The following OR4D10 variants were observed in gnomAD, a reference collection of about 807,000 sequenced individuals.
OR4D10 encodes olfactory receptor 4D10.
For synonymous variants in OR4D10, 188 were observed against 153.2 expected, an observed-to-expected ratio of 1.23 and a Z score of -1.68; for missense variants, 395 against 378.0, an observed-to-expected ratio of 1.04 and a Z score of -0.37.
chr11:59,473,690 A>G (rs1858868755), intron 1 of OR4D10, 49 bp downstream of exon 1: 3 of 152,180 alleles, frequency 2.0e-5, no homozygotes, highest in African/African-American at 7.2e-5. Context: ...AGTGAAACAG[A>G]TGTTTTTATT....
In OR4D10 at chr11:59,477,844, G is replaced by A. The variant is rs770960779; in HGVS notation, c.415G>A (p.Asp139Asn). The change falls in exon 3 of 3, where the codon GAC becomes AAC. Residue 139 changes from aspartate to asparagine, a missense_variant. By Grantham distance (23) the Asp-to-Asn change is conservative. Coordinates refer to ENST00000530162, the MANE Select transcript of OR4D10 (RefSeq NM_001004705.2). Reference protein sequence around the residue: ...PLHYATIMSRDHCIGLTVAAW... With the variant: ...PLHYATIMSRNHCIGLTVAAW... The stretch of plus-strand genomic sequence containing the variant: ...GCACTATGCGACTATCATGAGTAGA[G>A]ACCATTGCATTGGGCTCACAGTGGC... 2 of 1,614,088 alleles carry A rather than the reference G, an allele frequency of 1.2e-6. No homozygotes were observed. Among genetic ancestry groups the A allele is most frequent in the Admixed American group, 3.3e-5 (2 of 60,014 alleles).
At position 59,474,444 on chromosome 11, in the gene OR4D10, C is replaced by T. The variant is rs181268572; in HGVS notation, c.-169+651C>T. ...TTTGAAGATTGCGATATATGTCCAC[C>T]GGCTATGTATAAGGTGGCGTGAATA... On this transcript the variant is annotated intron_variant, in intron 2 of 2. Transcript: ENST00000530162. Among the ~76,000 whole-genome samples the T allele has an allele frequency of 1.1e-3, 160 of 152,244 alleles. 2 individuals are homozygous for T. Among genetic ancestry groups the T allele is most frequent in the African/African-American group, 2.7e-3 (113 of 41,536 alleles).
At position 59,477,958 on chromosome 11, in the gene OR4D10, T is replaced by C. The variant is rs754210448; in HGVS notation, c.529T>C (p.Phe177Leu). 1.9e-6 allele frequency: 3 copies of C among 1,614,162 alleles called. No homozygotes were observed. The South Asian group carries it at 3.3e-5, about 18-fold the overall frequency. The change falls in exon 3 of 3, where the codon TTC becomes CTC. Residue 177 changes from phenylalanine to leucine, a missense_variant. Transcript: ENST00000530162. Reference sequence around the variant, plus strand: ...CTGCGGACCCAATGTTCTTGACACTTTCTACTGTGATGTCCACCGGGTCCT... The same window carrying C: ...CTGCGGACCCAATGTTCTTGACACTCTCTACTGTGATGTCCACCGGGTCCT... ...PFCGPNVLDT[F>L]YCDVHRVLKL...
At position 59,478,109 on chromosome 11, in the gene OR4D10, C is replaced by T. The variant is rs1397041059; in HGVS notation, c.680C>T (p.Ser227Phe). 1 of 1,614,056 alleles carries T rather than the reference C, an allele frequency of 6.2e-7. No individual in the cohort carries two copies. Among genetic ancestry groups the T allele is most frequent in the East Asian group, 2.2e-5 (1 of 44,886 alleles). ...SYIVILSLPKSQAGEGRRKAI... is the reference protein window; with the variant it reads ...SYIVILSLPKFQAGEGRRKAI... ...ATAGTCATATTATCATTACCCAAGT[C>T]TCAGGCAGGAGAGGGCAGGAGGAAA... Residue 227 changes from serine to phenylalanine, a missense_variant, in exon 3 of 3, where the codon TCT becomes TTT. By Grantham distance (155) the Ser-to-Phe change is radical. Transcript: ENST00000530162.
At position 59,478,301 on chromosome 11, in the gene OR4D10, AC is replaced by A. The variant is rs774238949; in HGVS notation, c.874del (p.His292MetfsTer3). On this transcript the variant is annotated frameshift_variant, in exon 3 of 3. Coordinates refer to ENST00000530162, the MANE Select transcript of OR4D10 (RefSeq NM_001004705.2). LOFTEE classifies it low-confidence loss of function (END_TRUNC). Reference sequence around the variant, plus strand: ...AACCCCTTGATCTACACTCTGAGGAACCATGAGATGAAGTCAGCCATGAGGA... The same window carrying A: ...AACCCCTTGATCTACACTCTGAGGAACATGAGATGAAGTCAGCCATGAGGA... ...LLNPLIYTLR[N>X]HEMKSAMRRL... is the part of the protein sequence containing the mutation. The A allele has an allele frequency of 1.4e-5, 23 of 1,613,986 alleles. No homozygotes were observed. The highest frequency in any genetic ancestry group is 1.8e-5 in the Non-Finnish European group (21 of 1,179,922).
intron 2 of OR4D10, among the ~76,000 whole-genome samples, chr11:59,475,310 G>A (rs184575599): frequency 7.3e-4 from 111 of 151,976 alleles, no homozygotes; most frequent in African/African-American, 2.6e-3. Flanking sequence ...TACTAACCAC[G>A]CTGCATTTTC....
Position 59,476,716 on chromosome 11 carries a change from A to G in OR4D10, c.-168-546A>G, listed in dbSNP as rs186186135. 2.6e-5 allele frequency among the ~76,000 whole-genome samples: 4 copies of G among 152,206 alleles called. No homozygotes were observed. In the East Asian group the frequency reaches 7.7e-4, roughly 29 times the overall value. On this transcript the variant is annotated intron_variant, in intron 2 of 2. Transcript: ENST00000530162. ...ACACAGGGCAGAGTGGAGGAGTCAG[A>G]GCCCCAGTCATTCAGCTAGTTGATG...
chr11:59,476,116 G>A (rs1381526599), intron 2 of OR4D10, among the ~76,000 whole-genome samples: 1 of 152,172 alleles, frequency 6.6e-6, no homozygotes, highest in Non-Finnish European at 1.5e-5. Context: ...TATCTGTGGG[G>A]AGAAATTTTT....
chr11:59,473,782 G>A lies in OR4D10; in HGVS notation c.-180G>A, dbSNP rs1239418685. 1 of 152,172 alleles carries A rather than the reference G, an allele frequency of 6.6e-6. No individual in the cohort carries two copies. Among genetic ancestry groups the A allele is most frequent in the African/African-American group, 2.4e-5 (1 of 41,450 alleles). The allele number at this position is 152,172 out of a possible 1,614,324, so 9.4% of individuals were successfully genotyped here. On this transcript the variant is annotated 5_prime_UTR_variant, in exon 2 of 3. Coordinates refer to ENST00000530162, the MANE Select transcript of OR4D10 (RefSeq NM_001004705.2). The stretch of plus-strand genomic sequence containing the variant: ...AGTTAAAATAATCATCTCAATGACA[G>A]AAACAACAAAGGTGGGTGTTAAACA...
At chr11:59,474,628 G>T (rs1282049383) in intron 2 of OR4D10, among the ~76,000 whole-genome samples, 1 of 152,032 alleles carries the variant, frequency 6.6e-6, no homozygotes, top group African/African-American at 2.4e-5. Context: ...TACAGTATCC[G>T]CTGCCTCCCA....
chr11:59,478,444 C>T lies in OR4D10; in HGVS notation c.*79C>T. On this transcript the variant is annotated 3_prime_UTR_variant, in exon 3 of 3. Transcript: ENST00000530162. ...TCCCATGAAGTCATATTCATATATT[C>T]AAATATATTGTCAAACCAACTACAC... 2 of 1,034,074 alleles carry T rather than the reference C, an allele frequency of 1.9e-6. No individual in the cohort carries two copies. 64.1% of individuals were successfully genotyped at this position (1,034,074 alleles called of 1,614,324 possible).
intron 2 of OR4D10, among the ~76,000 whole-genome samples, chr11:59,474,426 A>G (rs1403562412): frequency 2.0e-5 from 3 of 152,208 alleles, no homozygotes; most frequent in Admixed American, 1.3e-4. Flanking sequence ...ACATTTGAAG[A>G]TTGCGATATA....
In OR4D10 at chr11:59,479,346, G is replaced by A. The variant is rs893339116; in HGVS notation, c.*981G>A. 1.3e-5 allele frequency: 2 copies of A among 152,066 alleles called. No individual in the cohort carries two copies. The highest frequency in any genetic ancestry group is 4.8e-5 in the African/African-American group (2 of 41,388). 9.4% of individuals were successfully genotyped at this position (152,066 alleles called of 1,614,324 possible). A position where few individuals can be genotyped will look rare whatever the true frequency, so the allele number is the denominator to read the frequency against. On this transcript the variant is annotated 3_prime_UTR_variant, in exon 3 of 3. Transcript: ENST00000530162. ...TCTACAAATGACAAAAACACATTAA[G>A]CTACTTTAAGCTATGCATATACATA...
In OR4D10 at chr11:59,475,060, CA is replaced by C. The variant is rs771979917; in HGVS notation, c.-169+1283del. Among the ~76,000 whole-genome samples the C allele has an allele frequency of 6.9e-4, 46 of 66,788 alleles. 1 individual carries two copies. In the South Asian group the frequency reaches 0.013, roughly 18 times the overall value. The allele number at this position is 66,788 out of a possible 152,430, so 43.8% of individuals were successfully genotyped here. Reference sequence around the variant, plus strand: ...TGGGTGACAGAGTGAGACTCTGTCTCAAAAAAAAAAAAAAAAGGAAAAAGAA... The same window carrying C: ...TGGGTGACAGAGTGAGACTCTGTCTCAAAAAAAAAAAAAAAGGAAAAAGAA... On this transcript the variant is annotated intron_variant, in intron 2 of 2. Transcript: ENST00000530162.
rs933762266 is a variant in OR4D10, at chr11:59,478,461, C to A, written c.*96C>A. 2.5e-6 allele frequency: 2 copies of A among 803,226 alleles called. No homozygotes were observed. Among genetic ancestry groups the A allele is most frequent in the Non-Finnish European group, 3.7e-6 (2 of 538,668 alleles). 49.8% of individuals were successfully genotyped at this position (803,226 alleles called of 1,614,324 possible). On this transcript the variant is annotated 3_prime_UTR_variant, in exon 3 of 3. Coordinates refer to ENST00000530162, the MANE Select transcript of OR4D10 (RefSeq NM_001004705.2). ...CATATATTCAAATATATTGTCAAAC[C>A]AACTACACTTAGTAATAATTAATTT...
In OR4D10 at chr11:59,478,019, T is replaced by G. The variant is rs371538486; in HGVS notation, c.590T>G (p.Leu197Arg). 1 of 1,614,164 alleles carries G rather than the reference T, an allele frequency of 6.2e-7. No individual in the cohort carries two copies. The highest frequency in any genetic ancestry group is 8.5e-7 in the Non-Finnish European group (1 of 1,180,010). The change falls in exon 3 of 3, where the codon CTA becomes CGA. Residue 197 changes from leucine (L) to arginine (R), a missense_variant. Physicochemically the swap from Leu to Arg is moderately radical, Grantham distance 102 (BLOSUM62 -2). Coordinates refer to ENST00000530162, the MANE Select transcript of OR4D10 (RefSeq NM_001004705.2). ...CATACAGACATTTTCATACTTGAAC[T>G]ACTAATGATTTCCAACAATGGACTG... is the stretch of plus-strand genomic sequence containing the variant. ...LAHTDIFILE[L>R]LMISNNGLLT...
rs748837324 is a variant in OR4D10, at chr11:59,478,084, A to G, written c.655A>G (p.Ile219Val). ...LWFFLLLVSYIVILSLPKSQA... is the reference protein window; with the variant it reads ...LWFFLLLVSYVVILSLPKSQA... ...GTTTTTCCTGCTCCTGGTGTCCTAC[A>G]TAGTCATATTATCATTACCCAAGTC... The change falls in exon 3 of 3, where the codon ATA becomes GTA. Residue 219 changes from isoleucine to valine, a missense_variant. Coordinates refer to ENST00000530162, the MANE Select transcript of OR4D10 (RefSeq NM_001004705.2). 3.5e-5 allele frequency: 56 copies of G among 1,614,032 alleles called. No individual in the cohort carries two copies. The South Asian group carries it at 3.6e-4, about 10-fold the overall frequency.
At chr11:59,475,060 C>CAAAAAAAAAAAAAA (rs771979917) in intron 2 of OR4D10, among the ~76,000 whole-genome samples, 21 of 66,784 alleles carry the variant, frequency 3.1e-4, no homozygotes, top group African/African-American at 1.2e-3. Context: ...GACTCTGTCT[C>CAAAAAAAAAAAAAA]AAAAAAAAAA....
At chr11:59,475,368 T>TA (rs1858892932) in intron 2 of OR4D10, among the ~76,000 whole-genome samples, 2 of 152,158 alleles carry the variant, frequency 1.3e-5, no homozygotes, top group South Asian at 4.1e-4. Context: ...ACTGACGTTT[T>TA]ACGGGCTGTT....
Sources: gnomAD v4.1 joint callset for allele counts (sites outside exome capture counted in the v4.1 genomes callset) on GRCh38, gnomAD v4.1.1 for gene constraint, MANE v1.5 for transcripts, NCBI Gene and HGNC (gene_info 2026-07-23, HGNC 2026-07-21) for gene names.